Variants in RASAL2 observed in about 807,000 individuals in gnomAD.
The protein encoded by RASAL2 is ras GTPase-activating protein nGAP.
A neutral mutation model predicts 128.9 loss-of-function variants in RASAL2; 58 were observed. That is an observed-to-expected ratio of 0.45 (90% confidence interval 0.36 to 0.56). RASAL2 has a LOEUF of 0.56. RASAL2 is among the 20% of genes least tolerant of loss of function. The probability of loss-of-function intolerance (pLI) is 0.00; values close to 1 mark genes in which losing one functional copy is unlikely to be tolerated. For missense variants in RASAL2, 1,360 were observed against 1,601.6 expected, an observed-to-expected ratio of 0.85 and a Z score of 2.57; for synonymous variants, 561 against 580.8, an observed-to-expected ratio of 0.97 and a Z score of 0.49.
chr1:178,449,448 AT>A (rs1351058149), intron 9 of RASAL2, among the ~76,000 whole-genome samples: 1 of 152,124 alleles, frequency 6.6e-6, no homozygotes, highest in African/African-American at 2.4e-5. Flanking sequence ...TACATGTGAA[AT>A]TTTTATGCCA....
At chr1:178,404,961 G>GATGAGCC (rs1162063978) in intron 4 of RASAL2, among the ~76,000 whole-genome samples, 1 of 152,020 alleles carries the variant, frequency 6.6e-6, no homozygotes, top group Non-Finnish European at 1.5e-5. Context: ...GGATTACAGG[G>GATGAGCC]ATGAGCCACA....
At chr1:178,414,914 G>T (rs1674655852) in intron 4 of RASAL2, among the ~76,000 whole-genome samples, 1 of 152,084 alleles carries the variant, frequency 6.6e-6, no homozygotes, top group African/African-American at 2.4e-5. Context: ...CATAGAACCT[G>T]TTGTGATGAC....
intron 1 of RASAL2, among the ~76,000 whole-genome samples, chr1:178,201,078 G>GA (rs1027057680): frequency 6.6e-6 from 1 of 152,050 alleles, no homozygotes; most frequent in South Asian, 2.1e-4. Context: ...TGCTACACTC[G>GA]AAAAAAACTG....
chr1:178,422,173 C>A (rs1675194033), intron 5 of RASAL2, among the ~76,000 whole-genome samples: 2 of 151,724 alleles, frequency 1.3e-5, no homozygotes, highest in South Asian at 4.2e-4. Flanking sequence ...CTAAATGTTA[C>A]CTTCTTTATT....
intron 3 of RASAL2, among the ~76,000 whole-genome samples, chr1:178,309,047 GTA>G (rs1315554124): frequency 6.6e-6 from 1 of 152,050 alleles, no homozygotes; most frequent in Non-Finnish European, 1.5e-5. Context: ...TAATGTCTGT[GTA>G]TGGTAGTACT....
At chr1:178,261,082 CCATCATTA>C (rs1665671911) in intron 1 of RASAL2, among the ~76,000 whole-genome samples, 1 of 152,154 alleles carries the variant, frequency 6.6e-6, no homozygotes, top group Admixed American at 6.5e-5. Context: ...CTTGCTGCTG[CCATCATTA>C]TTAAACAGCT....
intron 1 of RASAL2, among the ~76,000 whole-genome samples, chr1:178,140,055 A>G (rs1485294151): frequency 1.3e-5 from 2 of 152,160 alleles, no homozygotes; most frequent in African/African-American, 2.4e-5. Flanking sequence ...ACCCAGTTCT[A>G]TATTATTCTA....
At chr1:178,307,539 C>T (rs1668053859) in intron 3 of RASAL2, among the ~76,000 whole-genome samples, 1 of 152,030 alleles carries the variant, frequency 6.6e-6, no homozygotes, top group South Asian at 2.1e-4. Flanking sequence ...GCCGTGTGAA[C>T]TAAAATTAGT....
intron 1 of RASAL2, among the ~76,000 whole-genome samples, chr1:178,262,782 C>G (rs1431017501): frequency 6.7e-6 from 1 of 150,180 alleles, no homozygotes; most frequent in Admixed American, 6.7e-5. Context: ...CTCATCCCCC[C>G]TGCCCCCCAC....
At chr1:178,287,844 G>T (rs1667101767) in intron 2 of RASAL2, among the ~76,000 whole-genome samples, 1 of 152,100 alleles carries the variant, frequency 6.6e-6, no homozygotes, top group African/African-American at 2.4e-5. Context: ...GGGTGGGAGA[G>T]AAGTGAGGGA....
intron 1 of RASAL2, among the ~76,000 whole-genome samples, chr1:178,222,015 A>G (rs1159280207): frequency 6.6e-6 from 1 of 152,124 alleles, no homozygotes; most frequent in Non-Finnish European, 1.5e-5. Flanking sequence ...TTTACCCCTG[A>G]TAATTTTTAT....
At chr1:178,147,437 AC>A (rs1476801109) in intron 1 of RASAL2, among the ~76,000 whole-genome samples, 3 of 148,490 alleles carry the variant, frequency 2.0e-5, no homozygotes, top group Non-Finnish European at 4.5e-5. Context: ...TTGCAGTCTT[AC>A]CACTGCACTC....
chr1:178,458,107 G>T lies in RASAL2; in HGVS notation c.2815G>T (p.Ala939Ser), dbSNP rs748273937. Reference protein sequence around the residue: ...LNNPIPAMPKASIDSSLENLS... With the variant: ...LNNPIPAMPKSSIDSSLENLS... ...TAACCCAATTCCAGCAATGCCAAAGGCCTCTATAGATTCCAGTTTGGAGAA... is the reference window on the plus strand; with the variant it reads ...TAACCCAATTCCAGCAATGCCAAAGTCCTCTATAGATTCCAGTTTGGAGAA... The change falls in exon 14 of 18, where the codon GCC (alanine) becomes TCC (serine). Residue 939 changes from alanine (A) to serine (S), a missense_variant. Transcript: ENST00000367649. The T allele has an allele frequency of 3.1e-6, 5 of 1,614,132 alleles. No individual in the cohort carries two copies. In the Admixed American group the frequency reaches 6.7e-5, roughly 22 times the overall value.
intron 1 of RASAL2, among the ~76,000 whole-genome samples, chr1:178,266,660 C>T (rs1017306597): frequency 6.6e-6 from 1 of 152,140 alleles, no homozygotes; most frequent in African/African-American, 2.4e-5. Flanking sequence ...AGGGAGGGGG[C>T]CTCCAAAGCT....
At chr1:178,296,177 A>C (rs1305189641) in intron 2 of RASAL2, among the ~76,000 whole-genome samples, 1 of 146,070 alleles carries the variant, frequency 6.8e-6, no homozygotes, top group Non-Finnish European at 1.5e-5. Context: ...GTGTGTGTGC[A>C]TATATATATA....
intron 1 of RASAL2, among the ~76,000 whole-genome samples, chr1:178,143,183 T>C (rs1057396756): frequency 6.6e-6 from 1 of 151,732 alleles, no homozygotes; most frequent in African/African-American, 2.4e-5. Context: ...TATTTATATA[T>C]AGATGTAATG....
At chr1:178,415,418 A>G (rs1674690490) in intron 4 of RASAL2, among the ~76,000 whole-genome samples, 1 of 152,094 alleles carries the variant, frequency 6.6e-6, no homozygotes, top group Non-Finnish European at 1.5e-5. Context: ...TAATTCCATT[A>G]TGATCTAAAA....
chr1:178,366,262 CTG>C (rs1008702171), intron 3 of RASAL2, among the ~76,000 whole-genome samples: 7 of 152,010 alleles, frequency 4.6e-5, no homozygotes, highest in African/African-American at 1.7e-4. Flanking sequence ...AAAATGTAAA[CTG>C]TTGATAAATC....
rs528051771 is a variant in RASAL2, at chr1:178,247,746, C to T, written c.203-35818C>T. On this transcript the variant is annotated intron_variant, in intron 1 of 17. Transcript: ENST00000367649. ...CCTCTTAACACTGCCTTAGCTGTAT[C>T]CCAGAGATTCTGGTATGTTGTGTCT... 1.3e-4 allele frequency among the ~76,000 whole-genome samples: 20 copies of T among 152,284 alleles called. No individual in the cohort carries two copies. The South Asian group carries it at 4.1e-3, about 32-fold the overall frequency.
Sources: allele counts gnomAD v4.1 joint callset (sites outside exome capture counted in the v4.1 genomes callset), GRCh38; gene constraint gnomAD v4.1.1; transcripts MANE v1.5; gene names NCBI Gene and HGNC (gene_info 2026-07-23, HGNC 2026-07-21).